Variants in CSGALNACT1 observed in about 807,000 individuals in gnomAD.
CSGALNACT1 encodes the protein beta4GalNAcT-1.
In CSGALNACT1, 52 loss-of-function variants were observed where a neutral mutation model predicts 51.0. The observed-to-expected ratio is 1.02, with a 90% confidence interval of 0.82 to 1.29. CSGALNACT1 has a LOEUF of 1.29. Ranked by LOEUF, CSGALNACT1 falls within the 50% of genes most tolerant of loss-of-function variation. The probability of loss-of-function intolerance (pLI) is 0.00; values close to 1 mark genes in which losing one functional copy is unlikely to be tolerated. For synonymous variants in CSGALNACT1, 341 were observed against 254.4 expected, an observed-to-expected ratio of 1.34 and a Z score of -3.24; for missense variants, 935 against 679.2, an observed-to-expected ratio of 1.38 and a Z score of -4.19.
chr8:19,533,105 T>G (rs1172271021), intron 3 of CSGALNACT1, among the ~76,000 whole-genome samples: 1 of 152,138 alleles, frequency 6.6e-6, no homozygotes, highest in African/African-American at 2.4e-5. Flanking sequence ...TAAAGCAGTT[T>G]GACGTTTTTG....
At chr8:19,731,264 T>A (rs969286727) in intron 1 of CSGALNACT1, among the ~76,000 whole-genome samples, 2 of 152,110 alleles carry the variant, frequency 1.3e-5, no homozygotes, top group Non-Finnish European at 2.9e-5. Flanking sequence ...TCCCAGCACT[T>A]TGGCAGACTG....
chr8:19,550,101 G>A (rs1588182660), intron 3 of CSGALNACT1, among the ~76,000 whole-genome samples: 1 of 152,028 alleles, frequency 6.6e-6, no homozygotes, highest in Non-Finnish European at 1.5e-5. Context: ...GCATTTTTGT[G>A]TAGTTGTCTC....
chr8:19,613,578 A>G (rs1211651527), intron 1 of CSGALNACT1, among the ~76,000 whole-genome samples: 1 of 152,232 alleles, frequency 6.6e-6, no homozygotes, highest in Admixed American at 6.5e-5. Context: ...CGTTGTTTCC[A>G]CACATGATTA....
At chr8:19,476,901 C>T (rs1021851499) in intron 4 of CSGALNACT1, among the ~76,000 whole-genome samples, 17 of 152,164 alleles carry the variant, frequency 1.1e-4, no homozygotes, top group African/African-American at 4.1e-4. Context: ...CAAGACTTTC[C>T]CATGAGGCCT....
At chr8:19,461,569 G>T in intron 4 of CSGALNACT1, among the ~76,000 whole-genome samples, 1 of 40,030 alleles carries the variant, frequency 2.5e-5, no homozygotes, top group Admixed American at 2.5e-4. Flanking sequence ...TCCGCACAGC[G>T]GCCACATTCA....
chr8:19,441,462 AT>A (rs2061322332), intron 5 of CSGALNACT1, among the ~76,000 whole-genome samples: 1 of 152,252 alleles, frequency 6.6e-6, no homozygotes, highest in Non-Finnish European at 1.5e-5. Context: ...AAAACAAGAA[AT>A]GGGGAAAGGA....
At position 19,422,577 on chromosome 8, in the gene CSGALNACT1, T is replaced by C. The variant is rs142138003; in HGVS notation, c.954-2059A>G. Among the ~76,000 whole-genome samples, 917 of 152,354 alleles carry C rather than the reference T, an allele frequency of 6.0e-3. 8 individuals carry two copies. Among genetic ancestry groups the C allele is most frequent in the Admixed American group, 9.2e-3 (141 of 15,302 alleles). Reference sequence around the variant, plus strand: ...TCTTTCAGAACTTTATCTTGAGTCTTTTCTCTGGGGGGGTGCCCCCATTGC... The same window carrying C: ...TCTTTCAGAACTTTATCTTGAGTCTCTTCTCTGGGGGGGTGCCCCCATTGC... On this transcript the variant is annotated intron_variant, in intron 6 of 9. Coordinates refer to ENST00000454498, the Ensembl canonical transcript of CSGALNACT1.
At chr8:19,676,944 G>T (rs752346482) in intron 1 of CSGALNACT1, among the ~76,000 whole-genome samples, 1 of 152,178 alleles carries the variant, frequency 6.6e-6, no homozygotes, top group Non-Finnish European at 1.5e-5. Flanking sequence ...ATTTGACAAT[G>T]AAAGAGTTAT....
At chr8:19,612,946 GA>G (rs1165754811) in intron 1 of CSGALNACT1, among the ~76,000 whole-genome samples, 239 of 15,334 alleles carry the variant, frequency 0.016, no homozygotes, top group Non-Finnish European at 0.03. Flanking sequence ...AAAGCAGCTG[GA>G]AAAAAAAAAA....
intron 9 of CSGALNACT1, among the ~76,000 whole-genome samples, chr8:19,408,311 A>G (rs1410557613): frequency 6.6e-6 from 1 of 151,976 alleles, no homozygotes; most frequent in Non-Finnish European, 1.5e-5. Flanking sequence ...GACATCAGGA[A>G]CAGCATTTGA....
At chr8:19,613,790 T>C (rs2052627487) in intron 1 of CSGALNACT1, among the ~76,000 whole-genome samples, 1 of 152,242 alleles carries the variant, frequency 6.6e-6, no homozygotes, top group Non-Finnish European at 1.5e-5. Flanking sequence ...AGCAAAATTA[T>C]GACCGTAGCT....
At chr8:19,699,046 T>C (rs1421842687) in intron 1 of CSGALNACT1, among the ~76,000 whole-genome samples, 1 of 152,020 alleles carries the variant, frequency 6.6e-6, no homozygotes, top group African/African-American at 2.4e-5. Flanking sequence ...TCTTTTTTTC[T>C]TTTTTTTGCT....
intron 5 of CSGALNACT1, among the ~76,000 whole-genome samples, chr8:19,452,390 C>A (rs2063328516): frequency 6.7e-6 from 1 of 148,548 alleles, no homozygotes. Context: ...TAATTCCATC[C>A]TAATTACTTG....
At chr8:19,487,419 C>A (rs1447185139) in intron 4 of CSGALNACT1, among the ~76,000 whole-genome samples, 1 of 152,200 alleles carries the variant, frequency 6.6e-6, no homozygotes, top group Admixed American at 6.5e-5. Flanking sequence ...CAGGGAGGTT[C>A]CAGGACACGG....
chr8:19,646,675 CAT>C (rs1303842817), intron 1 of CSGALNACT1, among the ~76,000 whole-genome samples: 1 of 152,124 alleles, frequency 6.6e-6, no homozygotes, highest in Non-Finnish European at 1.5e-5. Flanking sequence ...CTTGTTGGCA[CAT>C]GTTATTAATA....
chr8:19,473,347 A>G (rs2068651328), intron 4 of CSGALNACT1, among the ~76,000 whole-genome samples: 1 of 152,138 alleles, frequency 6.6e-6, no homozygotes, highest in Admixed American at 6.6e-5. Context: ...ACTTACCATG[A>G]CCTTTCATCT....
At chr8:19,599,452 A>G (rs982415378) in intron 2 of CSGALNACT1, among the ~76,000 whole-genome samples, 2 of 120,212 alleles carry the variant, frequency 1.7e-5, no homozygotes, top group African/African-American at 6.9e-5. Flanking sequence ...AAAAAGAAAA[A>G]GAAAAGAAAG....
intron 3 of CSGALNACT1, among the ~76,000 whole-genome samples, chr8:19,588,274 A>G (rs545756392): frequency 5.9e-5 from 9 of 152,310 alleles, no homozygotes; most frequent in South Asian, 4.1e-4. Context: ...ATACACACCA[A>G]TGAAAAATGC....
intron 1 of CSGALNACT1, among the ~76,000 whole-genome samples, chr8:19,738,120 G>A (rs1280456143): frequency 3.3e-5 from 5 of 152,194 alleles, no homozygotes; most frequent in African/African-American, 1.2e-4. Context: ...TCAGCTACTC[G>A]AGAGGCTGAA....
Sources: gnomAD v4.1 joint callset for allele counts (sites outside exome capture counted in the v4.1 genomes callset) on GRCh38, gnomAD v4.1.1 for gene constraint, MANE v1.5 for transcripts, NCBI Gene and HGNC (gene_info 2026-07-23, HGNC 2026-07-21) for gene names.